Variants in THUMPD3 observed in about 807,000 individuals in gnomAD.
THUMPD3 encodes tRNA (guanine(6)-N(2))-methyltransferase THUMP3.
In THUMPD3, 44 loss-of-function variants were observed where a neutral mutation model predicts 54.5. The ratio of observed to expected loss-of-function variants is 0.81; its 90% CI spans 0.63 to 1.04. The LOEUF is 1.04. Ranked by LOEUF, THUMPD3 falls within the 50% of genes least tolerant of loss-of-function variation. THUMPD3 has a pLI of 0.00. For synonymous variants in THUMPD3, 196 were observed against 201.4 expected (o/e 0.97, Z 0.23); for missense variants, 604 against 601.3 (o/e 1.00, Z -0.05).
chr3:9,382,035 G>A (rs1321546462), intron 7 of THUMPD3, among the ~76,000 whole-genome samples: 1 of 151,364 alleles, frequency 6.6e-6, no homozygotes, highest in Non-Finnish European at 1.5e-5. Context: ...TGCCCACCTT[G>A]GCCTCCCAAA....
At chr3:9,382,551 C>A (rs1485626409) in intron 7 of THUMPD3, among the ~76,000 whole-genome samples, 1 of 152,130 alleles carries the variant, frequency 6.6e-6, no homozygotes, top group Non-Finnish European at 1.5e-5. Flanking sequence ...ACTAGTTTTA[C>A]AAACTTTATT....
chr3:9,377,725 TG>T, intron 5 of THUMPD3, 93 bp from the exon 6 acceptor site: 1 of 910,704 alleles, frequency 1.1e-6, no homozygotes, highest in Non-Finnish European at 1.7e-6. Flanking sequence ...CGGGCTAGTG[TG>T]GTAGGTCCTC....
chr3:9,380,778 G>T, intron 7 of THUMPD3, 160 bp downstream of exon 7: 2 of 448,292 alleles, frequency 4.5e-6, no homozygotes, highest in Non-Finnish European at 7.8e-6. Context: ...TTGAAAATAA[G>T]TTATATTTTT....
rs2031448344 is a variant in THUMPD3, at chr3:9,365,306, G to T, written c.238G>T (p.Glu80Ter). 6.2e-7 allele frequency: 1 copy of T among 1,614,064 alleles called. No individual in the cohort carries two copies. The highest frequency in any genetic ancestry group is 8.5e-7 in the Non-Finnish European group (1 of 1,180,028). The change falls in exon 2 of 10, where the codon GAA (glutamate) becomes TAA (stop). Residue 80 changes from glutamate to a stop codon, truncating the protein, a stop_gained. Coordinates refer to ENST00000452837, the MANE Select transcript of THUMPD3 (RefSeq NM_001114092.2). LOFTEE classifies it high-confidence loss of function. ...CAAGATATATTTTGTCATTTCAGTG[G>T]AAAGTCTGGCACAGGTTTGAATGGA... ...RGKIYFVISV[E>*]SLAQVHCLRS...
intron 5 of THUMPD3, among the ~76,000 whole-genome samples, chr3:9,377,382 A>T (rs2032544041): frequency 6.6e-6 from 1 of 151,940 alleles, no homozygotes; most frequent in Non-Finnish European, 1.5e-5. Context: ...TTATTTATTT[A>T]TTTATTTATT....
rs377234212 is a variant in THUMPD3 at position 9,385,352 on chromosome 3, G to C, written c.*664G>C. 6.6e-6 allele frequency: 1 copy of C among 152,242 alleles called. No individual in the cohort carries two copies. 9.4% of individuals were successfully genotyped at this position (152,242 alleles called of 1,614,324 possible). A position where few individuals can be genotyped will look rare whatever the true frequency, so the allele number is the denominator to read the frequency against. On this transcript the variant is annotated 3_prime_UTR_variant, in exon 10 of 10. Transcript: ENST00000452837. ...ACTACCCTGGCCCAAAGGAAGGGCA[G>C]AGAACATAATTACATCTTAGGCCAC...
intron 2 of THUMPD3, among the ~76,000 whole-genome samples, chr3:9,365,536 G>C (rs74795225): frequency 6.6e-6 from 1 of 151,720 alleles, no homozygotes; most frequent in Non-Finnish European, 1.5e-5. Flanking sequence ...GATTTTTGGA[G>C]GGGGGTGGGG....
At position 9,377,808 on chromosome 3, in the gene THUMPD3, CT is replaced by C; in HGVS notation, c.939-7del. ...AGTGAGTCTTCACATAGGCTGTTTTCTTTTCTCTAGGCTCTGTGATCCTCTA... is the reference window on the plus strand; with the variant it reads ...AGTGAGTCTTCACATAGGCTGTTTTCTTTCTCTAGGCTCTGTGATCCTCTA... On this transcript the variant is annotated splice_polypyrimidine_tract_variant and intron_variant, in intron 5 of 9. Coordinates refer to ENST00000452837, the MANE Select transcript of THUMPD3 (RefSeq NM_001114092.2). The C allele has an allele frequency of 6.2e-7, 1 of 1,612,580 alleles. No individual in the cohort carries two copies. Among genetic ancestry groups the C allele is most frequent in the Admixed American group, 1.7e-5 (1 of 59,966 alleles).
chr3:9,372,676 T>G (rs1377110799), intron 4 of THUMPD3, among the ~76,000 whole-genome samples: 1 of 152,212 alleles, frequency 6.6e-6, no homozygotes, highest in Non-Finnish European at 1.5e-5. Context: ...CTCCTCTTTC[T>G]TAAATTCTGC....
chr3:9,380,647 T>A, intron 7 of THUMPD3, 29 bp downstream of exon 7: 3 of 1,502,330 alleles, frequency 2.0e-6, no homozygotes, highest in Non-Finnish European at 2.8e-6. Context: ...TCTTAGCATC[T>A]TTTAGAGTTA....
At chr3:9,380,775 TAA>T (rs768074435) in intron 7 of THUMPD3, 157 bp downstream of exon 7, 49 of 456,098 alleles carry the variant, frequency 1.1e-4, no homozygotes, top group Non-Finnish European at 1.8e-4. Flanking sequence ...TTATTGAAAA[TAA>T]GTTATATTTT....
Position 9,366,941 on chromosome 3 carries a change from G to A in THUMPD3, c.286G>A (p.Val96Met), listed in dbSNP as rs148467643. Residue 96 changes from valine (V) to methionine (M), a missense_variant, in exon 3 of 10, where the codon GTG becomes ATG. Coordinates refer to ENST00000452837, the MANE Select transcript of THUMPD3 (RefSeq NM_001114092.2). ...TCTGAGATCAGTTGATAACTTATTT[G>A]TGGTGGTTCAGGAGTTTCAAGATTA... ...HCLRSVDNLF[V>M]VVQEFQDYQF... 280 of 1,613,038 alleles carry A rather than the reference G, an allele frequency of 1.7e-4. No homozygotes were observed. Among genetic ancestry groups the A allele is most frequent in the South Asian group, 2.2e-4 (20 of 90,906 alleles).
intron 4 of THUMPD3, 128 bp from the exon 5 acceptor site, chr3:9,374,388 C>A: frequency 9.0e-7 from 1 of 1,109,858 alleles, no homozygotes; most frequent in Non-Finnish European, 1.3e-6. Context: ...AATATGGTGA[C>A]CTCCCAGGAG....
rs1193957590 is a variant in THUMPD3, at chr3:9,365,015, G to A, written c.-53-1G>A. On this transcript the variant is annotated splice_acceptor_variant, in intron 1 of 9. Transcript: ENST00000452837. LOFTEE classifies it low-confidence loss of function (5UTR_SPLICE). ...GGGCTTTATTTCTTTTTCTTTTAAA[G>A]GACAGTACTGCTTTTAAAGAGACAG... 28 of 1,569,500 alleles carry A rather than the reference G, an allele frequency of 1.8e-5. No individual in the cohort carries two copies. Among genetic ancestry groups the A allele is most frequent in the Non-Finnish European group, 2.4e-5 (28 of 1,158,726 alleles).
Position 9,384,706 on chromosome 3 carries a change from T to C in THUMPD3, c.*18T>C, listed in dbSNP as rs763062474. 5.6e-6 allele frequency: 9 copies of C among 1,613,068 alleles called. No individual in the cohort carries two copies. The South Asian group carries it at 9.9e-5, about 18-fold the overall frequency. On this transcript the variant is annotated 3_prime_UTR_variant, in exon 10 of 10. Transcript: ENST00000452837. ...AAGAATGAAGATGACTAATAGTACT[T>C]GTACTTCCCACCACTGGAAATGTTA... is the stretch of plus-strand genomic sequence containing the variant.
At chr3:9,379,047 T>C (rs577455303) in intron 6 of THUMPD3, among the ~76,000 whole-genome samples, 1 of 152,210 alleles carries the variant, frequency 6.6e-6, no homozygotes, top group African/African-American at 2.4e-5. Context: ...CCTAAGCCGA[T>C]ATATGATCAA....
intron 1 of THUMPD3, 76 bp downstream of exon 1, chr3:9,363,203 C>T (rs2258767): frequency 0.13 from 19,695 of 152,244 alleles, 2,194 homozygotes; most frequent in East Asian, 0.34. Context: ...GGTGGCCTTC[C>T]TCTTGCAGTT....
In THUMPD3 at chr3:9,386,181, A is replaced by G. The variant is rs1479589220; in HGVS notation, c.*1493A>G. 1 of 152,200 alleles carries G rather than the reference A, an allele frequency of 6.6e-6. No individual in the cohort carries two copies. The allele number at this position is 152,200 out of a possible 1,614,324, so 9.4% of individuals were successfully genotyped here. A position where few individuals can be genotyped will look rare whatever the true frequency, so the allele number is the denominator to read the frequency against. ...ACCCCACACTTCATAATGAATGGGA[A>G]ATAAGATGTTTATGAAGGTTTTATA... On this transcript the variant is annotated 3_prime_UTR_variant, in exon 10 of 10. Transcript: ENST00000452837.
rs552422801 is a variant in THUMPD3, at chr3:9,374,725, A to C, written c.938+79A>C. 69 of 1,518,512 alleles carry C rather than the reference A, an allele frequency of 4.5e-5. No individual in the cohort carries two copies. The African/African-American group carries it at 8.8e-4, about 19-fold the overall frequency. 94.1% of individuals were successfully genotyped at this position (1,518,512 alleles called of 1,614,324 possible). On this transcript the variant is annotated intron_variant, in intron 5 of 9. Transcript: ENST00000452837. ...CCCTTCAAAATACTGATTTGTGTGT[A>C]TGTGTGTTTGAGGTACTGTGTTGGA... is the stretch of plus-strand genomic sequence containing the variant.
Sources: allele counts gnomAD v4.1 joint callset (sites outside exome capture counted in the v4.1 genomes callset), GRCh38; gene constraint gnomAD v4.1.1; transcripts MANE v1.5; gene names NCBI Gene and HGNC (gene_info 2026-07-23, HGNC 2026-07-21).